The following LHFPL3 variants were observed in gnomAD, a reference collection of about 807,000 sequenced individuals.
LHFPL3 encodes LHFPL tetraspan subfamily member 3, also known as LHFPL tetraspan subfamily member 3 protein.
A neutral mutation model predicts 19.3 loss-of-function variants in LHFPL3; 5 were observed. That is an observed-to-expected ratio of 0.26 (90% CI 0.14 to 0.54). The LOEUF is 0.54. Among genes scored for constraint, LHFPL3 ranks in the 20% least tolerant of loss-of-function variants. LHFPL3 has a pLI of 0.94. For missense variants in LHFPL3, 249 were observed against 307.4 expected, an observed-to-expected ratio of 0.81 and a Z score of 1.42; for synonymous variants, 133 against 126.2, an observed-to-expected ratio of 1.05 and a Z score of -0.36.
At chr7:104,482,759 C>T (rs1433704257) in intron 1 of LHFPL3, among the ~76,000 whole-genome samples, 1 of 152,182 alleles carries the variant, frequency 6.6e-6, no homozygotes, top group Admixed American at 6.5e-5. Flanking sequence ...GGCAAGTTGC[C>T]CAGTGTGCCA....
chr7:104,372,282 T>C (rs1344765344), intron 1 of LHFPL3, among the ~76,000 whole-genome samples: 2 of 152,202 alleles, frequency 1.3e-5, no homozygotes, highest in East Asian at 3.8e-4. Flanking sequence ...CCTTTTCCAG[T>C]CAGGGAGCCT....
At chr7:104,506,265 C>G (rs868406783) in intron 1 of LHFPL3, among the ~76,000 whole-genome samples, 106 of 152,140 alleles carry the variant, frequency 7.0e-4, no homozygotes, top group African/African-American at 2.5e-3. Flanking sequence ...CCAACCCCAC[C>G]GCCGCAATAC....
chr7:104,404,710 T>G (rs990920260), intron 1 of LHFPL3, among the ~76,000 whole-genome samples: 1 of 152,190 alleles, frequency 6.6e-6, no homozygotes, highest in Non-Finnish European at 1.5e-5. Flanking sequence ...ATAACTGAGT[T>G]CCATGTTTCT....
chr7:104,614,650 T>TCTCTCCTCTCCTCTCCTCTC (rs1791283659), intron 1 of LHFPL3, among the ~76,000 whole-genome samples: 1 of 109,770 alleles, frequency 9.1e-6, no homozygotes, highest in African/African-American at 3.7e-5. Context: ...TCTCTTCTCT[T>TCTCTCCTCTCCTCTCCTCTC]CTCTCCTTCC....
chr7:104,634,135 C>G (rs1444160363), intron 1 of LHFPL3, among the ~76,000 whole-genome samples: 2 of 152,144 alleles, frequency 1.3e-5, no homozygotes, highest in African/African-American at 4.8e-5. Context: ...CATATAAATA[C>G]CAATAGCTAA....
intron 2 of LHFPL3, among the ~76,000 whole-genome samples, chr7:104,863,470 G>A (rs945073285): frequency 5.9e-5 from 9 of 152,250 alleles, no homozygotes; most frequent in Non-Finnish European, 1.3e-4. Flanking sequence ...CTGTGTTCCA[G>A]GGGTCTTATC....
chr7:104,605,320 A>T (rs890796414), intron 1 of LHFPL3, among the ~76,000 whole-genome samples: 54 of 152,304 alleles, frequency 3.5e-4, no homozygotes, highest in African/African-American at 1.3e-3. Flanking sequence ...AATAGAAAAA[A>T]AATGAAAAGT....
chr7:104,348,666 A>G (rs1298637534), intron 1 of LHFPL3, among the ~76,000 whole-genome samples: 1 of 152,254 alleles, frequency 6.6e-6, no homozygotes, highest in Non-Finnish European at 1.5e-5. Context: ...GTTTTTAAAC[A>G]GATTGTTTTC....
chr7:104,847,398 A>G (rs1250819236), intron 2 of LHFPL3, among the ~76,000 whole-genome samples: 1 of 152,248 alleles, frequency 6.6e-6, no homozygotes, highest in African/African-American at 2.4e-5. Context: ...CAGAGTTTTG[A>G]GATACATCCT....
intron 2 of LHFPL3, among the ~76,000 whole-genome samples, chr7:104,840,373 C>T (rs1396093189): frequency 7.1e-6 from 1 of 141,434 alleles, no homozygotes; most frequent in South Asian, 2.2e-4. Context: ...TGGAGTGCAG[C>T]GGCACAATCG....
At chr7:104,345,898 T>C (rs1790055352) in intron 1 of LHFPL3, among the ~76,000 whole-genome samples, 1 of 152,232 alleles carries the variant, frequency 6.6e-6, no homozygotes. Context: ...GGTCAGTTGA[T>C]GCCCCCATGG....
chr7:104,680,304 A>C (rs190383903), intron 1 of LHFPL3, among the ~76,000 whole-genome samples: 27 of 152,322 alleles, frequency 1.8e-4, no homozygotes, highest in African/African-American at 6.5e-4. Context: ...TGGCAGCAAG[A>C]GTAATTTCCT....
chr7:104,713,369 A>G (rs1793328554), intron 1 of LHFPL3, among the ~76,000 whole-genome samples: 1 of 152,226 alleles, frequency 6.6e-6, no homozygotes, highest in Admixed American at 6.5e-5. Context: ...AAAGAGGTTT[A>G]ATTGACTCAC....
intron 1 of LHFPL3, among the ~76,000 whole-genome samples, chr7:104,524,635 G>A (rs185962957): frequency 2.0e-5 from 3 of 152,220 alleles, no homozygotes; most frequent in East Asian, 1.9e-4. Context: ...AGTATTGTTC[G>A]AGTCTTATAA....
intron 1 of LHFPL3, among the ~76,000 whole-genome samples, chr7:104,425,950 G>A (rs1346462013): frequency 6.6e-6 from 1 of 152,086 alleles, no homozygotes; most frequent in African/African-American, 2.4e-5. Flanking sequence ...ACTATACATA[G>A]AATCTAAATT....
At chr7:104,643,635 G>A (rs182881630) in intron 1 of LHFPL3, among the ~76,000 whole-genome samples, 14 of 152,308 alleles carry the variant, frequency 9.2e-5, no homozygotes, top group African/African-American at 2.4e-4. Flanking sequence ...ATCACCCAAA[G>A]AGCCTGGACC....
intron 1 of LHFPL3, among the ~76,000 whole-genome samples, chr7:104,581,458 C>T (rs987022683): frequency 3.3e-5 from 5 of 151,868 alleles, no homozygotes; most frequent in African/African-American, 1.2e-4. Context: ...TGACTGGCCT[C>T]TTTATTATCT....
At chr7:104,677,250 G>A (rs919303193) in intron 1 of LHFPL3, among the ~76,000 whole-genome samples, 5 of 151,966 alleles carry the variant, frequency 3.3e-5, no homozygotes, top group African/African-American at 1.2e-4. Flanking sequence ...GGTGGCATGT[G>A]CCTACAGCCC....
chr7:104,896,187 T>C (rs1194963034), intron 2 of LHFPL3: 1 of 152,218 alleles, frequency 6.6e-6, no homozygotes, highest in East Asian at 1.9e-4. Context: ...CTTCAATATT[T>C]ACACTTTGGG....
Sources: gnomAD v4.1 joint callset for allele counts (sites outside exome capture counted in the v4.1 genomes callset) on GRCh38, gnomAD v4.1.1 for gene constraint, MANE v1.5 for transcripts, NCBI Gene and HGNC (gene_info 2026-07-23, HGNC 2026-07-21) for gene names.